ITPRID2: variants seen among roughly 807,000 people sequenced by gnomAD.
ITPRID2 encodes the protein protein ITPRID2.
A neutral mutation model predicts 124.3 loss-of-function variants in ITPRID2; 60 were observed. The ratio of observed to expected loss-of-function variants is 0.48; its 90% confidence interval spans 0.39 to 0.60. ITPRID2 has a LOEUF of 0.60. Among genes scored for constraint, ITPRID2 ranks in the 20% least tolerant of loss-of-function variants. The pLI, the probability that ITPRID2 is intolerant of heterozygous loss-of-function variation, is 0.00. For synonymous variants in ITPRID2, 521 were observed against 542.9 expected, an observed-to-expected ratio of 0.96 and a Z score of 0.56; for missense variants, 1,553 against 1,512.2, an observed-to-expected ratio of 1.03 and a Z score of -0.45.
rs1237789257 is a variant in ITPRID2 at position 181,910,112 on chromosome 2, T to C, written c.1486+141T>C. On this transcript the variant is annotated intron_variant, in intron 9 of 17. Transcript: ENST00000431877. The surrounding 1 kb of genome is among the most constrained non-coding windows in gnomAD (Gnocchi z 4.1). ...ACACACAGGTAGGCATGATTCACTA[T>C]TGTTTGTAGAACTTTTTTTGTATTT... 4 of 581,648 alleles carry C rather than the reference T, an allele frequency of 6.9e-6. No individual in the cohort carries two copies. The highest frequency in any genetic ancestry group is 1.9e-5 in the African/African-American group (1 of 52,078). 36.0% of individuals were successfully genotyped at this position (581,648 alleles called of 1,614,324 possible).
Position 181,910,048 on chromosome 2 carries a change from A to C in ITPRID2, c.1486+77A>C. 1 of 1,060,026 alleles carries C rather than the reference A, an allele frequency of 9.4e-7. No individual in the cohort carries two copies. Among genetic ancestry groups the C allele is most frequent in the South Asian group, 1.4e-5 (1 of 71,490 alleles). The allele number at this position is 1,060,026 out of a possible 1,614,324, so 65.7% of individuals were successfully genotyped here. On this transcript the variant is annotated intron_variant, in intron 9 of 17. Transcript: ENST00000431877. The surrounding 1 kb of genome is among the most constrained non-coding windows in gnomAD (Gnocchi z 4.1). Reference sequence around the variant, plus strand: ...ATTTGGAAAAGGGGTTTTATGTATCAGTATTTGTAGTATTTATGAGTGTGA... The same window carrying C: ...ATTTGGAAAAGGGGTTTTATGTATCCGTATTTGTAGTATTTATGAGTGTGA...
Position 181,892,262 on chromosome 2 carries a change from G to A in ITPRID2, c.196G>A (p.Ala66Thr), listed in dbSNP as rs1191406022. ...EEDLPGAQLP[A>T]AGGRGNVPNE... ...GGACCTCCCCGGCGCGCAGCTGCCG[G>A]CAGCGGGGGGAAGAGGTCGGTGCTC... Residue 66 changes from alanine (A) to threonine (T), a missense_variant, in exon 1 of 18, where the codon GCA becomes ACA. Ala to Thr is a moderately conservative substitution (Grantham distance 58, BLOSUM62 0). Transcript: ENST00000431877. This position sits in a 1 kb window ranked among gnomAD's most constrained non-coding sequence, Gnocchi z 5.2. 5.8e-6 allele frequency: 9 copies of A among 1,548,082 alleles called. No homozygotes were observed. The South Asian group carries it at 7.1e-5, about 12-fold the overall frequency.
At chr2:181,897,366 C>G (rs929555401) in intron 4 of ITPRID2, among the ~76,000 whole-genome samples, 4 of 151,964 alleles carry the variant, frequency 2.6e-5, no homozygotes, top group Non-Finnish European at 2.9e-5. Context: ...TTGTCTTTCT[C>G]TTTGCATTTA....
At chr2:181,920,225 G>A (rs892713421) in intron 14 of ITPRID2, among the ~76,000 whole-genome samples, 1 of 152,110 alleles carries the variant, frequency 6.6e-6, no homozygotes, top group Admixed American at 6.6e-5. Context: ...AAATGAAGTA[G>A]AATAAACAAT....
chr2:181,915,131 A>G (rs1055355808), intron 10 of ITPRID2, 85 bp from the exon 11 acceptor site: 3 of 1,472,870 alleles, frequency 2.0e-6, no homozygotes, highest in African/African-American at 1.4e-5. Context: ...CAGTGAAATT[A>G]TAGAAGCACC....
chr2:181,910,497 GAACC>G lies in ITPRID2; in HGVS notation c.1486+527_1486+530del, dbSNP rs1356816090. 19 of 615,832 alleles carry G rather than the reference GAACC, an allele frequency of 3.1e-5. No individual in the cohort carries two copies. Among genetic ancestry groups the G allele is most frequent in the Non-Finnish European group, 5.2e-5 (18 of 343,314 alleles). The allele number at this position is 615,832 out of a possible 1,614,324, so 38.1% of individuals were successfully genotyped here. On this transcript the variant is annotated intron_variant, in intron 9 of 17. Transcript: ENST00000431877. The surrounding 1 kb of genome is among the most constrained non-coding windows in gnomAD (Gnocchi z 4.1). ...CTTAAATTATTAATTATTGACCAAA[GAACC>G]TTTGAATCCATCCCTTTCACTTTTA...
In ITPRID2 at chr2:181,900,764, G is replaced by T. The variant is rs760424706; in HGVS notation, c.572G>T (p.Arg191Leu). Residue 191 changes from arginine (R) to leucine (L), a missense_variant, in exon 7 of 18, where the codon CGT becomes CTT. By Grantham distance (102) the Arg-to-Leu change is moderately radical. Coordinates refer to ENST00000431877, the MANE Select transcript of ITPRID2 (RefSeq NM_001130445.3). ...ATTCTTTATAATCTTGGATTTGGAC[G>T]TGATGAACCAGATATTGCTTCTAAA... is the stretch of plus-strand genomic sequence containing the variant. ...EEILYNLGFGRDEPDIASKIP... is the reference protein window; with the variant it reads ...EEILYNLGFGLDEPDIASKIP... 3.7e-6 allele frequency: 6 copies of T among 1,613,164 alleles called. No homozygotes were observed. Among genetic ancestry groups the T allele is most frequent in the Non-Finnish European group, 5.1e-6 (6 of 1,179,540 alleles).
At position 181,905,978 on chromosome 2, in the gene ITPRID2, G is replaced by T. The variant is rs1693077338; in HGVS notation, c.1413+3512G>T. Among the ~76,000 whole-genome samples the T allele has an allele frequency of 1.3e-5, 2 of 152,132 alleles. No individual in the cohort carries two copies. The highest frequency in any genetic ancestry group is 4.8e-5 in the African/African-American group (2 of 41,418). On this transcript the variant is annotated intron_variant, in intron 8 of 17. Transcript: ENST00000431877. This position sits in a 1 kb window ranked among gnomAD's most constrained non-coding sequence, Gnocchi z 4.1. ...CTACTCTAAAGCCCAATTAACCACT[G>T]TTTTGTTATTTGATATTTACCTAAA... is the stretch of plus-strand genomic sequence containing the variant.
chr2:181,916,291 C>G lies in ITPRID2; in HGVS notation c.2651C>G (p.Pro884Arg). 1 of 1,614,206 alleles carries G rather than the reference C, an allele frequency of 6.2e-7. No individual in the cohort carries two copies. The highest frequency in any genetic ancestry group is 8.5e-7 in the Non-Finnish European group (1 of 1,180,046). Reference sequence around the variant, plus strand: ...GCTACTTGTAGTGCCTTCGCTTCCCCTTTCGGGTGTCCTTACTCACATAGA... The same window carrying G: ...GCTACTTGTAGTGCCTTCGCTTCCCGTTTCGGGTGTCCTTACTCACATAGA... ...SGATCSAFAS[P>R]FGCPYSHRHA... Residue 884 changes from proline to arginine, a missense_variant, in exon 11 of 18, where the codon CCT becomes CGT. Pro to Arg is a moderately radical substitution (Grantham distance 103, BLOSUM62 -2). Transcript: ENST00000431877.
chr2:181,928,853 C>G (rs1265505260), intron 17 of ITPRID2, among the ~76,000 whole-genome samples: 1 of 152,068 alleles, frequency 6.6e-6, no homozygotes, highest in Non-Finnish European at 1.5e-5. Context: ...GTCTCGATCT[C>G]CTGACCTCGT....
intron 8 of ITPRID2, among the ~76,000 whole-genome samples, chr2:181,903,955 G>A (rs190145336): frequency 6.6e-6 from 1 of 151,962 alleles, no homozygotes; most frequent in African/African-American, 2.4e-5. Flanking sequence ...TAATACAATA[G>A]CAGAGCATAA....
chr2:181,905,337 C>A lies in ITPRID2; in HGVS notation c.1413+2871C>A, dbSNP rs1306044779. Among the ~76,000 whole-genome samples the A allele has an allele frequency of 6.6e-6, 1 of 152,150 alleles. No homozygotes were observed. Among genetic ancestry groups the A allele is most frequent in the Non-Finnish European group, 1.5e-5 (1 of 68,030 alleles). On this transcript the variant is annotated intron_variant, in intron 8 of 17. Coordinates refer to ENST00000431877, the MANE Select transcript of ITPRID2 (RefSeq NM_001130445.3). This position sits in a 1 kb window ranked among gnomAD's most constrained non-coding sequence, Gnocchi z 4.1. ...ATGCTGGGATTACAGGTGTGAGCCA[C>A]CACACCCAGCCTATAACTATTTATA...
Position 181,915,607 on chromosome 2 carries a change from A to G in ITPRID2, c.1967A>G (p.Gln656Arg), listed in dbSNP as rs144258689. 958 of 1,614,128 alleles carry G rather than the reference A, an allele frequency of 5.9e-4. 16 individuals are homozygous for G. Among genetic ancestry groups the G allele is most frequent in the Non-Finnish European group, 1.1e-4 (134 of 1,180,048 alleles). The change falls in exon 11 of 18, where the codon CAG becomes CGG. Residue 656 changes from glutamine to arginine, a missense_variant. Gln to Arg is a conservative substitution (Grantham distance 43). Coordinates refer to ENST00000431877, the MANE Select transcript of ITPRID2 (RefSeq NM_001130445.3). ...AAAAGCAGTGAAAGTGAATTTACTC[A>G]GTATACCACACACCATATTCTGAAA... Reference protein sequence around the residue: ...VGKSSESEFTQYTTHHILKSL... With the variant: ...VGKSSESEFTRYTTHHILKSL...
At chr2:181,920,569 C>A (rs1559015237) in intron 14 of ITPRID2, 28 bp from the exon 15 acceptor site, 2 of 1,540,504 alleles carry the variant, frequency 1.3e-6, no homozygotes, top group Non-Finnish European at 1.8e-6. Flanking sequence ...CACACATATA[C>A]ATATATATAT....
Position 181,892,401 on chromosome 2 carries a change from A to G in ITPRID2, c.211+124A>G, listed in dbSNP as rs1343061084. The G allele has an allele frequency of 1.6e-6, 2 of 1,230,216 alleles. No individual in the cohort carries two copies. The highest frequency in any genetic ancestry group is 1.5e-5 in the African/African-American group (1 of 66,030). 76.2% of individuals were successfully genotyped at this position (1,230,216 alleles called of 1,614,324 possible). Reference sequence around the variant, plus strand: ...ACGGTAGGCCGAGGGGAGAGGGGACACTTCCGACCTTCAAACGCGCGCGCT... The same window carrying G: ...ACGGTAGGCCGAGGGGAGAGGGGACGCTTCCGACCTTCAAACGCGCGCGCT... On this transcript the variant is annotated intron_variant, in intron 1 of 17. Transcript: ENST00000431877. The surrounding 1 kb of genome is among the most constrained non-coding windows in gnomAD (Gnocchi z 5.2).
chr2:181,906,481 T>G (rs1243037721), intron 8 of ITPRID2, among the ~76,000 whole-genome samples: 1 of 152,202 alleles, frequency 6.6e-6, no homozygotes, highest in African/African-American at 2.4e-5. Flanking sequence ...GATTCACACC[T>G]GTAATCCCAG....
chr2:181,901,732 A>G, intron 7 of ITPRID2, 34 bp from the exon 8 acceptor site: 2 of 1,445,112 alleles, frequency 1.4e-6, no homozygotes, highest in Non-Finnish European at 1.9e-6. Context: ...ATATATAAAT[A>G]TAAACATATC....
At chr2:181,921,273 T>C (rs1468507020) in intron 15 of ITPRID2, among the ~76,000 whole-genome samples, 2 of 151,740 alleles carry the variant, frequency 1.3e-5, no homozygotes, top group Admixed American at 6.6e-5. Context: ...AGGTCAGGAG[T>C]TGAAGACCAG....
At position 181,922,116 on chromosome 2, in the gene ITPRID2, A is replaced by G. The variant is rs1694520203; in HGVS notation, c.3379A>G (p.Thr1127Ala). Residue 1127 changes from threonine (T) to alanine (A), a missense_variant, in exon 16 of 18, where the codon ACT (threonine) becomes GCT (alanine). By Grantham distance (58) the Thr-to-Ala change is moderately conservative. Coordinates refer to ENST00000431877, the MANE Select transcript of ITPRID2 (RefSeq NM_001130445.3). ...TGGTCCCTCTCATGCTAACAGAAGA[A>G]CTGGAGTACCTTCTACTGCCTCAGT... The part of the protein sequence containing the change: ...CSGPSHANRR[T>A]GVPSTASVGK... 1.9e-6 allele frequency: 3 copies of G among 1,614,132 alleles called. No individual in the cohort carries two copies. The Admixed American group carries it at 5.0e-5, about 27-fold the overall frequency.
Sources: allele counts gnomAD v4.1 joint callset (sites outside exome capture counted in the v4.1 genomes callset), GRCh38; gene constraint gnomAD v4.1.1; non-coding constraint Gnocchi (gnomAD v3.1); transcripts MANE v1.5; gene names NCBI Gene and HGNC (gene_info 2026-07-23, HGNC 2026-07-21).